Variants in UBE2W observed in about 807,000 individuals in gnomAD.
UBE2W encodes the protein ubiquitin conjugating enzyme E2 W.
Under a neutral mutation model 27.2 loss-of-function variants are expected in UBE2W, and 18 were observed. The ratio of observed to expected loss-of-function variants is 0.66; its 90% CI spans 0.46 to 0.98. The LOEUF (loss-of-function observed/expected upper bound fraction) is 0.98. Among genes scored for constraint, UBE2W ranks in the 50% least tolerant of loss-of-function variants. The probability of loss-of-function intolerance (pLI) is 0.00; values close to 1 mark genes in which losing one functional copy is unlikely to be tolerated. For synonymous variants in UBE2W, 53 were observed against 57.2 expected, an observed-to-expected ratio of 0.93 and a Z score of 0.33; for missense variants, 90 against 180.2, an observed-to-expected ratio of 0.50 and a Z score of 2.87.
downstream of UBE2W, among the ~76,000 whole-genome samples, chr8:73,782,507 G>C (rs923959100): frequency 6.6e-6 from 1 of 152,036 alleles, no homozygotes; most frequent in African/African-American, 2.4e-5. Flanking sequence ...AGCCATACAG[G>C]ATGTATGCTT....
At chr8:73,866,967 C>CGCA (rs1811802758) in intron 1 of UBE2W, among the ~76,000 whole-genome samples, 1 of 148,286 alleles carries the variant, frequency 6.7e-6, no homozygotes, top group African/African-American at 2.5e-5. Flanking sequence ...ATCACGCCAC[C>CGCA]GCACTCCAGC....
intron 4 of UBE2W, chr8:73,780,553 A>G (rs1807823948): frequency 2.2e-6 from 1 of 449,792 alleles, no homozygotes; most frequent in Non-Finnish European, 4.5e-6. Flanking sequence ...TTATTTTTTG[A>G]GACAGTATGT....
intron 5 of UBE2W, among the ~76,000 whole-genome samples, chr8:73,803,426 G>T (rs1246379365): frequency 6.6e-6 from 1 of 152,098 alleles, no homozygotes; most frequent in East Asian, 1.9e-4. Context: ...GTATTTCAAT[G>T]ATCTGTTCTT....
chr8:73,809,435 T>C (rs1367033504), intron 4 of UBE2W, among the ~76,000 whole-genome samples: 4 of 152,074 alleles, frequency 2.6e-5, no homozygotes, highest in African/African-American at 7.2e-5. Flanking sequence ...AAAACCCTCA[T>C]AGGGATTTAA....
chr8:73,842,906 T>A (rs1810605413), intron 1 of UBE2W, among the ~76,000 whole-genome samples: 1 of 152,202 alleles, frequency 6.6e-6, no homozygotes, highest in Admixed American at 6.5e-5. Context: ...GCAGCATTAT[T>A]CATAATGCCA....
rs1808204890 is a variant in UBE2W, at chr8:73,791,629, T to A, written c.*2473A>T. 1.0e-6 allele frequency: 1 copy of A among 985,032 alleles called. No individual in the cohort carries two copies. The highest frequency in any genetic ancestry group is 5.2e-4 in the Middle Eastern group (1 of 1,914). 61.0% of individuals were successfully genotyped at this position (985,032 alleles called of 1,614,324 possible). A position where few individuals can be genotyped will look rare whatever the true frequency, so the allele number is the denominator to read the frequency against. On this transcript the variant is annotated 3_prime_UTR_variant, in exon 6 of 6. Coordinates refer to ENST00000602593, the MANE Select transcript of UBE2W (RefSeq NM_018299.6). ...AGCAATGACTCAGATAAATGCCTTA[T>A]GACTTTTAATAATGTAACTAACATA...
In UBE2W at chr8:73,825,255, AT is replaced by A. The variant is rs1403302120; in HGVS notation, c.108-7del. The A allele has an allele frequency of 6.5e-7, 1 of 1,540,780 alleles. No individual in the cohort carries two copies. The highest frequency in any genetic ancestry group is 2.2e-5 in the Admixed American group (1 of 46,472). ...CTTCCATGTCTACAATCCACCTAGA[AT>A]AGAAAAGGCAAATTAAAAACTTAAG... On this transcript the variant is annotated splice_polypyrimidine_tract_variant and splice_region_variant and intron_variant, in intron 2 of 5. Coordinates refer to ENST00000602593, the MANE Select transcript of UBE2W (RefSeq NM_018299.6).
chr8:73,874,841 C>G (rs1812152048), intron 1 of UBE2W, among the ~76,000 whole-genome samples: 1 of 152,194 alleles, frequency 6.6e-6, no homozygotes, highest in Admixed American at 6.5e-5. Flanking sequence ...AGGCAGGTGA[C>G]TGCTTGAGCC....
chr8:73,839,347 TAAAA>T (rs34467910), intron 1 of UBE2W, among the ~76,000 whole-genome samples: 383 of 131,708 alleles, frequency 2.9e-3, no homozygotes, highest in African/African-American at 9.3e-3. Flanking sequence ...TGCTCCTAGT[TAAAA>T]AAAAAAAAAA....
intron 1 of UBE2W, among the ~76,000 whole-genome samples, chr8:73,869,569 C>T (rs1394880311): frequency 1.3e-5 from 2 of 152,040 alleles, no homozygotes; most frequent in Admixed American, 6.6e-5. Flanking sequence ...CGCACGCCTG[C>T]AGTCCCAGCT....
At chr8:73,835,588 CAAA>C (rs761655695) in intron 1 of UBE2W, among the ~76,000 whole-genome samples, 2 of 152,104 alleles carry the variant, frequency 1.3e-5, no homozygotes, top group Non-Finnish European at 2.9e-5. Context: ...ACTAAAAATA[CAAA>C]AAATCAGCTG....
chr8:73,789,974 A>G lies in UBE2W; in HGVS notation c.*4128T>C. On this transcript the variant is annotated 3_prime_UTR_variant, in exon 6 of 6. Coordinates refer to ENST00000602593, the MANE Select transcript of UBE2W (RefSeq NM_018299.6). ...AGAGTCCTCATCCGAAAATAACAAA[A>G]TTTCCTTAATATTAGTACTAAAGAA... 2 of 984,654 alleles carry G rather than the reference A, an allele frequency of 2.0e-6. No individual in the cohort carries two copies. The highest frequency in any genetic ancestry group is 2.4e-6 in the Non-Finnish European group (2 of 829,234). 61.0% of individuals were successfully genotyped at this position (984,654 alleles called of 1,614,324 possible).
At chr8:73,822,689 T>C (rs1376634005) in intron 3 of UBE2W, among the ~76,000 whole-genome samples, 2 of 144,646 alleles carry the variant, frequency 1.4e-5, no homozygotes, top group African/African-American at 5.1e-5. Flanking sequence ...GAGGCTGATA[T>C]GGTAGGATCA....
intron 2 of UBE2W, among the ~76,000 whole-genome samples, chr8:73,829,785 C>T (rs1381645401): frequency 2.6e-5 from 4 of 152,138 alleles, no homozygotes; most frequent in African/African-American, 9.7e-5. Flanking sequence ...ATTTGTCCTA[C>T]AAGTTGGTTT....
intron 3 of UBE2W, among the ~76,000 whole-genome samples, chr8:73,814,404 A>T (rs1015761091): frequency 2.6e-5 from 4 of 152,260 alleles, no homozygotes; most frequent in African/African-American, 9.6e-5. Context: ...CTCGCTGCGT[A>T]AATTACACTA....
At chr8:73,857,840 T>C (rs111716658) in intron 1 of UBE2W, among the ~76,000 whole-genome samples, 1,942 of 151,548 alleles carry the variant, frequency 0.013, 39 homozygotes, top group African/African-American at 0.035. Flanking sequence ...TAAATAAAAA[T>C]AAAAATAAAA....
intron 1 of UBE2W, among the ~76,000 whole-genome samples, chr8:73,852,226 T>G (rs897411402): frequency 6.6e-5 from 10 of 152,138 alleles, no homozygotes; most frequent in African/African-American, 2.4e-4. Flanking sequence ...CAATGACTAT[T>G]CCCTTTAAAT....
intron 1 of UBE2W, among the ~76,000 whole-genome samples, chr8:73,864,997 G>A (rs1473214583): frequency 6.6e-6 from 1 of 151,880 alleles, no homozygotes; most frequent in African/African-American, 2.4e-5. Context: ...GCACAGCACA[G>A]CCTTCACGTA....
chr8:73,783,403 T>G (rs890300326), downstream of UBE2W, among the ~76,000 whole-genome samples: 4 of 152,180 alleles, frequency 2.6e-5, no homozygotes, highest in African/African-American at 9.7e-5. Flanking sequence ...AAGATTTTTG[T>G]TTTTTGCATA....
Sources: allele counts gnomAD v4.1 joint callset (sites outside exome capture counted in the v4.1 genomes callset), GRCh38; gene constraint gnomAD v4.1.1; transcripts MANE v1.5; gene names NCBI Gene and HGNC (gene_info 2026-07-23, HGNC 2026-07-21).